The following ARIH1 variants were observed in gnomAD, a reference collection of about 807,000 sequenced individuals.
ARIH1 encodes ariadne RBR E3 ubiquitin protein ligase 1.
In ARIH1, 8 loss-of-function variants were observed where a neutral mutation model predicts 85.0. The observed-to-expected ratio is 0.09, with a 90% CI of 0.06 to 0.17. ARIH1 has a LOEUF of 0.17. Among genes scored for constraint, ARIH1 ranks in the 10% least tolerant of loss-of-function variants. ARIH1 has a pLI of 1.00. For missense variants in ARIH1, 311 were observed against 718.1 expected (o/e 0.43, Z 6.48); for synonymous variants, 238 against 253.6 (o/e 0.94, Z 0.59).
rs1194963318 is a variant in ARIH1 at position 72,599,407 on chromosome 15, A to G, written c.*16115A>G. On this transcript the variant is annotated 3_prime_UTR_variant, in exon 14 of 14. Coordinates refer to ENST00000379887, the MANE Select transcript of ARIH1 (RefSeq NM_005744.5). ...TCATAAAGAAAAGCAACACCTTCCC[A>G]TCTTAACTCCCCTAGTGCCTCTACT... The G allele has an allele frequency of 6.6e-6, 1 of 152,182 alleles. No individual in the cohort carries two copies. Among genetic ancestry groups the G allele is most frequent in the East Asian group, 1.9e-4 (1 of 5,196 alleles). 9.4% of individuals were successfully genotyped at this position (152,182 alleles called of 1,614,324 possible).
chr15:72,581,287 T>C (rs993177364), intron 12 of ARIH1, among the ~76,000 whole-genome samples: 2 of 152,202 alleles, frequency 1.3e-5, no homozygotes, highest in Non-Finnish European at 2.9e-5. Flanking sequence ...CTTAACCTCT[T>C]ATTTGTCCAT....
intron 1 of ARIH1, among the ~76,000 whole-genome samples, chr15:72,505,533 A>G (rs1261959374): frequency 6.6e-6 from 1 of 152,120 alleles, no homozygotes; most frequent in African/African-American, 2.4e-5. Flanking sequence ...TTTCCCAAAT[A>G]ATGTGGATGT....
At chr15:72,573,819 A>T (rs1169635561) in intron 11 of ARIH1, among the ~76,000 whole-genome samples, 2 of 152,164 alleles carry the variant, frequency 1.3e-5, no homozygotes, top group Non-Finnish European at 2.9e-5. Flanking sequence ...TTAATTTGGT[A>T]GATACTGTTG....
At chr15:72,554,158 G>A (rs151020596) in intron 3 of ARIH1, among the ~76,000 whole-genome samples, 5 of 152,110 alleles carry the variant, frequency 3.3e-5, no homozygotes, top group African/African-American at 9.6e-5. Context: ...TGGCTGTTAC[G>A]AATAATGCTA....
intron 2 of ARIH1, among the ~76,000 whole-genome samples, chr15:72,528,948 C>T (rs1402810866): frequency 6.6e-6 from 1 of 152,150 alleles, no homozygotes; most frequent in Admixed American, 6.5e-5. Context: ...TGCCTGTAAT[C>T]CCAGCACTTT....
chr15:72,506,351 CAA>C (rs71134002), intron 1 of ARIH1, among the ~76,000 whole-genome samples: 10 of 73,062 alleles, frequency 1.4e-4, no homozygotes, highest in East Asian at 5.1e-4. Flanking sequence ...CTCCGTCTCA[CAA>C]AAAAAAAAAA....
intron 11 of ARIH1, among the ~76,000 whole-genome samples, chr15:72,575,364 C>T (rs993416286): frequency 4.0e-5 from 6 of 151,800 alleles, no homozygotes; most frequent in Admixed American, 6.6e-5. Context: ...GGATTGAGTG[C>T]GGGAGTTTGA....
intron 4 of ARIH1, 53 bp downstream of exon 4, chr15:72,555,416 G>A (rs1192850315): frequency 7.6e-7 from 1 of 1,315,166 alleles, no homozygotes; most frequent in South Asian, 1.2e-5. Flanking sequence ...ATAGTGTTAA[G>A]ACCCTTGCAC....
rs2064314844 is a variant in ARIH1, at chr15:72,585,980, G to A, written c.*2688G>A. ...GGTCAGTTTCATTGTCTTTTGAAAAGTGCATGCTTCATTTGAACAATTCAT... is the reference window on the plus strand; with the variant it reads ...GGTCAGTTTCATTGTCTTTTGAAAAATGCATGCTTCATTTGAACAATTCAT... On this transcript the variant is annotated 3_prime_UTR_variant, in exon 14 of 14. Coordinates refer to ENST00000379887, the MANE Select transcript of ARIH1 (RefSeq NM_005744.5). The A allele has an allele frequency of 6.6e-6, 1 of 152,120 alleles. No individual in the cohort carries two copies. The highest frequency in any genetic ancestry group is 1.5e-5 in the Non-Finnish European group (1 of 68,018). 9.4% of individuals were successfully genotyped at this position (152,120 alleles called of 1,614,324 possible).
chr15:72,475,122 G>C, intron 1 of ARIH1, 108 bp downstream of exon 1: 3 of 1,459,182 alleles, frequency 2.1e-6, no homozygotes, highest in South Asian at 1.3e-5. Flanking sequence ...AGCCTAGCCC[G>C]GTGCCTCCCG....
intron 1 of ARIH1, among the ~76,000 whole-genome samples, chr15:72,515,336 C>T (rs894132031): frequency 6.6e-6 from 1 of 151,284 alleles, no homozygotes; most frequent in Non-Finnish European, 1.5e-5. Context: ...AACTACGTCT[C>T]GAAAAATAAA....
Position 72,583,247 on chromosome 15 carries a change from G to T in ARIH1, c.1629G>T (p.Val543=), listed in dbSNP as rs369658325. ...ESRRRVLLQH[V]HEGYEKDLWE... ...GACGAAGGGTTTTGTTACAGCATGT[G>T]CATGAAGGCTATGAAAAAGATCTGT... Residue 543 remains valine, a synonymous_variant, in exon 14 of 14, where the codon GTG becomes GTT. Coordinates refer to ENST00000379887, the MANE Select transcript of ARIH1 (RefSeq NM_005744.5). 2.9e-5 allele frequency: 46 copies of T among 1,612,396 alleles called. No individual in the cohort carries two copies. The highest frequency in any genetic ancestry group is 1.6e-4 in the Middle Eastern group (1 of 6,078).
At chr15:72,524,015 C>G (rs549157370) in intron 2 of ARIH1, among the ~76,000 whole-genome samples, 5 of 137,714 alleles carry the variant, frequency 3.6e-5, no homozygotes, top group East Asian at 2.2e-4. Context: ...GGCGCAATCT[C>G]GGCTCACTGT....
Position 72,595,843 on chromosome 15 carries a change from T to TTTTTTTTG in ARIH1, c.*12555_*12556insTTTGTTTT, listed in dbSNP as rs2064361604. 1 of 151,428 alleles carries TTTTTTTTG rather than the reference T, an allele frequency of 6.6e-6. No homozygotes were observed. 9.4% of individuals were successfully genotyped at this position (151,428 alleles called of 1,614,324 possible). On this transcript the variant is annotated 3_prime_UTR_variant, in exon 14 of 14. Coordinates refer to ENST00000379887, the MANE Select transcript of ARIH1 (RefSeq NM_005744.5). ...TTTTTTTTTCATCTTTGTTTTTGTT[T>TTTTTTTTG]TTTTGAGACTGAGTCTTGCTCTATC...
chr15:72,514,575 G>A (rs1004782401), intron 1 of ARIH1, among the ~76,000 whole-genome samples: 2 of 152,034 alleles, frequency 1.3e-5, no homozygotes, highest in African/African-American at 4.8e-5. Context: ...GCACGGTGGT[G>A]CATGCCTGTA....
intron 12 of ARIH1, 173 bp from the exon 13 acceptor site, chr15:72,581,902 G>T: frequency 2.3e-6 from 1 of 443,114 alleles, no homozygotes; most frequent in Non-Finnish European, 4.1e-6. Context: ...TTCTGGAAAA[G>T]AACAAACAAG....
intron 2 of ARIH1, among the ~76,000 whole-genome samples, chr15:72,520,839 AT>A (rs138415568): frequency 1.8e-4 from 26 of 147,732 alleles, no homozygotes; most frequent in Non-Finnish European, 2.3e-4. Flanking sequence ...TGATGTTTGA[AT>A]TTTTTTTTTT....
intron 9 of ARIH1, 139 bp from the exon 10 acceptor site, chr15:72,570,038 T>A: frequency 2.2e-6 from 2 of 898,944 alleles, no homozygotes; most frequent in Non-Finnish European, 3.4e-6. Context: ...TGTTCAACAC[T>A]GTTCTAAGTG....
At chr15:72,526,745 T>G (rs2064030141) in intron 2 of ARIH1, among the ~76,000 whole-genome samples, 3 of 152,136 alleles carry the variant, frequency 2.0e-5, no homozygotes, top group Non-Finnish European at 4.4e-5. Context: ...ATATAAATTT[T>G]GGGCAAAGGT....
Sources: allele counts gnomAD v4.1 joint callset (sites outside exome capture counted in the v4.1 genomes callset), GRCh38; gene constraint gnomAD v4.1.1; transcripts MANE v1.5; gene names NCBI Gene and HGNC (gene_info 2026-07-23, HGNC 2026-07-21).